Variants in P3H2 observed in about 807,000 individuals in gnomAD.
P3H2 encodes prolyl 3-hydroxylase 2.
In P3H2, 80 loss-of-function variants were observed where a neutral mutation model predicts 87.0. The observed-to-expected ratio is 0.92, with a 90% CI of 0.77 to 1.11. The LOEUF (loss-of-function observed/expected upper bound fraction) is 1.11. Among genes scored for constraint, P3H2 ranks in the 50% least tolerant of loss-of-function variants. P3H2 has a pLI of 0.00. For synonymous variants in P3H2, 367 were observed against 359.3 expected (o/e 1.02, Z -0.24); for missense variants, 1,001 against 923.9 (o/e 1.08, Z -1.08).
intron 1 of P3H2, among the ~76,000 whole-genome samples, chr3:190,071,076 T>C (rs1348973678): frequency 6.6e-6 from 1 of 152,238 alleles, no homozygotes; most frequent in Non-Finnish European, 1.5e-5. Context: ...ATGTGAAGTA[T>C]CTAATTTTCT....
At chr3:189,961,192 C>T (rs1303532238) in intron 14 of P3H2, among the ~76,000 whole-genome samples, 1 of 152,108 alleles carries the variant, frequency 6.6e-6, no homozygotes, top group Admixed American at 6.5e-5. Flanking sequence ...CTGCCCGCCT[C>T]GGCCTCCCCA....
chr3:190,102,335 A>G (rs1259580295), intron 1 of P3H2, among the ~76,000 whole-genome samples: 3 of 152,196 alleles, frequency 2.0e-5, no homozygotes, highest in African/African-American at 7.2e-5. Flanking sequence ...AACTTTCTGG[A>G]AAGGATTTAC....
At chr3:189,959,107 A>C (rs1233169556) in intron 14 of P3H2, among the ~76,000 whole-genome samples, 1 of 151,494 alleles carries the variant, frequency 6.6e-6, no homozygotes, top group East Asian at 1.9e-4. Flanking sequence ...AATGAATCCT[A>C]CTGGCTTATA....
chr3:190,039,197 A>AAAT (rs1725522540), intron 1 of P3H2, among the ~76,000 whole-genome samples: 1 of 151,588 alleles, frequency 6.6e-6, no homozygotes, highest in Non-Finnish European at 1.5e-5. Flanking sequence ...CTCAAAAAAA[A>AAAT]AAATAAAAAA....
intron 1 of P3H2, among the ~76,000 whole-genome samples, chr3:190,036,372 T>C (rs1233550272): frequency 6.6e-6 from 1 of 152,144 alleles, no homozygotes; most frequent in Non-Finnish European, 1.5e-5. Flanking sequence ...TGAAAGCCCA[T>C]CAAAAGGAAG....
intron 1 of P3H2, among the ~76,000 whole-genome samples, chr3:190,049,488 T>A (rs1343430354): frequency 6.6e-6 from 1 of 152,222 alleles, no homozygotes; most frequent in Non-Finnish European, 1.5e-5. Flanking sequence ...CTCAGGTTGA[T>A]GAGTGGTTGT....
At chr3:190,021,024 ATC>A (rs951869688) in intron 1 of P3H2, among the ~76,000 whole-genome samples, 1 of 134,450 alleles carries the variant, frequency 7.4e-6, no homozygotes, top group African/African-American at 2.6e-5. Context: ...ACTTGGAAAA[ATC>A]TGAGACCCCA....
chr3:190,018,277 A>T (rs1193858616), intron 1 of P3H2, among the ~76,000 whole-genome samples: 3 of 152,222 alleles, frequency 2.0e-5, no homozygotes, highest in Non-Finnish European at 2.9e-5. Flanking sequence ...CAAAATAATA[A>T]TAATAACAAA....
At chr3:190,042,386 T>C (rs1725663926) in intron 1 of P3H2, among the ~76,000 whole-genome samples, 1 of 152,118 alleles carries the variant, frequency 6.6e-6, no homozygotes, top group East Asian at 1.9e-4. Context: ...TGTGTGTCCT[T>C]GGTGTCAGGA....
rs1439509259 is a variant in P3H2, at chr3:189,957,918, C to A, written c.2121G>T (p.Glu707Asp). The A allele has an allele frequency of 6.3e-7, 1 of 1,594,830 alleles. No individual in the cohort carries two copies. The highest frequency in any genetic ancestry group is 8.6e-7 in the Non-Finnish European group (1 of 1,162,542). ...AGAACATTCTTTCTCATTTTTATAG[C>A]TCATCTTTAGGGTTGATATTCAGTT... ...KHELNINPKD[E>D]L The change falls in exon 15 of 15, where the codon GAG becomes GAT. Residue 707 changes from glutamate to aspartate, a missense_variant. Physicochemically the swap from Glu to Asp is conservative, Grantham distance 45. Coordinates refer to ENST00000319332, the MANE Select transcript of P3H2 (RefSeq NM_018192.4).
Position 189,958,003 on chromosome 3 carries a change from T to G in P3H2, c.2036A>C (p.Glu679Ala), listed in dbSNP as rs1457696843. 1 of 1,611,818 alleles carries G rather than the reference T, an allele frequency of 6.2e-7. No homozygotes were observed. The highest frequency in any genetic ancestry group is 8.5e-7 in the Non-Finnish European group (1 of 1,177,890). Residue 679 changes from glutamate to alanine, a missense_variant and splice_region_variant, in exon 15 of 15, where the codon GAG (glutamate) becomes GCG (alanine). Physicochemically the swap from Glu to Ala is moderately radical, Grantham distance 107. Transcript: ENST00000319332. Reference sequence around the variant, plus strand: ...AATCACTTCATCAGCCTGTATTCGCTCCTGCAAAAAAGACAATTTACACAT... The same window carrying G: ...AATCACTTCATCAGCCTGTATTCGCGCCTGCAAAAAAGACAATTTACACAT... ...FTLDPLYRELERIQADEVIAI... is the reference protein window; with the variant it reads ...FTLDPLYRELARIQADEVIAI...
In P3H2 at chr3:190,120,559, C is replaced by T. The variant is rs1454723518; in HGVS notation, c.173G>A (p.Gly58Glu). The stretch of plus-strand genomic sequence containing the variant: ...GTCGCGCACCGCTCGCTCGTAGTCT[C>T]CGCTGTAGTAGGCGGCCGCGCCGCT... Reference protein sequence around the residue: ...YASGAAAYYSGDYERAVRDLE... With the variant: ...YASGAAAYYSEDYERAVRDLE... Residue 58 changes from glycine to glutamate, a missense_variant, in exon 1 of 15, where the codon GGA (glycine) becomes GAA (glutamate). Gly to Glu is a moderately conservative substitution (Grantham distance 98). Coordinates refer to ENST00000319332, the MANE Select transcript of P3H2 (RefSeq NM_018192.4). 2.0e-6 allele frequency: 3 copies of T among 1,535,848 alleles called. No homozygotes were observed. The highest frequency in any genetic ancestry group is 1.9e-5 in the Admixed American group (1 of 52,686).
intron 1 of P3H2, among the ~76,000 whole-genome samples, chr3:190,067,194 T>C (rs1262950657): frequency 1.3e-5 from 2 of 152,026 alleles, no homozygotes; most frequent in Non-Finnish European, 2.9e-5. Context: ...ATGTCTCTAC[T>C]ATCAGATTCA....
At chr3:190,120,177 G>T in intron 1 of P3H2, 75 bp downstream of exon 1, 1 of 1,522,552 alleles carries the variant, frequency 6.6e-7, no homozygotes. Context: ...AGAGATGACG[G>T]GGGCAGCAGG....
chr3:189,971,855 T>C (rs892296973), intron 12 of P3H2, 35 bp downstream of exon 12: 6 of 1,285,610 alleles, frequency 4.7e-6, no homozygotes, highest in Non-Finnish European at 6.8e-6. Flanking sequence ...AACTGTTAGG[T>C]AAAAGCTTTG....
At chr3:190,012,241 T>TGTGTGTGTGTGTGTG (rs747107541) in intron 1 of P3H2, among the ~76,000 whole-genome samples, 5 of 122,412 alleles carry the variant, frequency 4.1e-5, no homozygotes, top group African/African-American at 1.2e-4. Context: ...TGTGTGTGTG[T>TGTGTGTGTGTGTGTG]AGTGGGGGGC....
chr3:190,093,303 G>A (rs1727473719), intron 1 of P3H2, among the ~76,000 whole-genome samples: 2 of 152,120 alleles, frequency 1.3e-5, no homozygotes, highest in African/African-American at 2.4e-5. Context: ...ACAGACAGTT[G>A]AGGAAAAGAA....
chr3:190,094,601 A>G (rs1434796812), intron 1 of P3H2, among the ~76,000 whole-genome samples: 1 of 152,236 alleles, frequency 6.6e-6, no homozygotes, highest in Non-Finnish European at 1.5e-5. Flanking sequence ...ACTCAAGCTC[A>G]TAGCCTTGAT....
At chr3:190,021,386 A>T (rs1724923404) in intron 1 of P3H2, among the ~76,000 whole-genome samples, 1 of 134,996 alleles carries the variant, frequency 7.4e-6, no homozygotes, top group Admixed American at 7.5e-5. Context: ...TCAATTATTA[A>T]ACTATTTCAG....
Sources: allele counts gnomAD v4.1 joint callset (sites outside exome capture counted in the v4.1 genomes callset), GRCh38; gene constraint gnomAD v4.1.1; transcripts MANE v1.5; gene names NCBI Gene and HGNC (gene_info 2026-07-23, HGNC 2026-07-21).